Variants in NUDCD3 observed in about 807,000 individuals in gnomAD.
NUDCD3 encodes NudC domain containing 3.
NUDCD3 carries 13 observed loss-of-function variants against 39.7 expected under a neutral mutation model. The observed-to-expected ratio is 0.33, with a 90% confidence interval of 0.21 to 0.52. The LOEUF (loss-of-function observed/expected upper bound fraction) is 0.52, where lower values mean the gene tolerates loss of function less well. Among genes scored for constraint, NUDCD3 ranks in the 20% least tolerant of loss-of-function variants. The probability of loss-of-function intolerance (pLI) is 0.96; values close to 1 mark genes in which losing one functional copy is unlikely to be tolerated. For missense variants in NUDCD3, 453 were observed against 458.1 expected, an observed-to-expected ratio of 0.99 and a Z score of 0.10; for synonymous variants, 175 against 172.4, an observed-to-expected ratio of 1.02 and a Z score of -0.12.
chr7:44,442,575 C>T (rs1205508518), intron 2 of NUDCD3, among the ~76,000 whole-genome samples: 2 of 152,158 alleles, frequency 1.3e-5, no homozygotes, highest in Non-Finnish European at 1.5e-5. Context: ...GGAGGCTCAC[C>T]TCGCCTCATT....
chr7:44,486,109 A>G (rs1319832379), intron 1 of NUDCD3, among the ~76,000 whole-genome samples: 1 of 152,228 alleles, frequency 6.6e-6, no homozygotes. Flanking sequence ...CATCTTCCAC[A>G]GGGAACCACT....
intron 2 of NUDCD3, among the ~76,000 whole-genome samples, chr7:44,435,671 C>G (rs1023599128): frequency 1.4e-4 from 21 of 152,210 alleles, no homozygotes; most frequent in African/African-American, 5.1e-4. Flanking sequence ...CTTGCACCAT[C>G]TTCTGTAATG....
Position 44,445,637 on chromosome 7 carries a change from G to A in NUDCD3, c.510-17934C>T, listed in dbSNP as rs1166345056. 5.3e-5 allele frequency among the ~76,000 whole-genome samples: 8 copies of A among 152,300 alleles called. No individual in the cohort carries two copies. In the South Asian group the frequency reaches 8.3e-4, roughly 16 times the overall value. ...GGAGGGGAGGAGGGGTGGGTTGTGT[G>A]TGTGCACACAGGTGTGCACAGTGGA... On this transcript the variant is annotated intron_variant, in intron 2 of 5. Coordinates refer to ENST00000355451, the MANE Select transcript of NUDCD3 (RefSeq NM_015332.4).
chr7:44,451,119 G>A (rs1358496389), intron 2 of NUDCD3, among the ~76,000 whole-genome samples: 1 of 152,202 alleles, frequency 6.6e-6, no homozygotes, highest in Non-Finnish European at 1.5e-5. Flanking sequence ...TAAACAAAAT[G>A]TAGTATATCC....
intron 4 of NUDCD3, among the ~76,000 whole-genome samples, chr7:44,394,042 G>C (rs1208785552): frequency 2.6e-5 from 4 of 152,218 alleles, no homozygotes; most frequent in Non-Finnish European, 4.4e-5. Flanking sequence ...ACTCTGCAGA[G>C]CCCAGGGATC....
intron 4 of NUDCD3, among the ~76,000 whole-genome samples, chr7:44,401,090 A>C (rs1337581839): frequency 1.3e-5 from 2 of 152,190 alleles, no homozygotes; most frequent in Non-Finnish European, 2.9e-5. Context: ...AAGTACAGCA[A>C]GGCTAAAGAG....
intron 2 of NUDCD3, among the ~76,000 whole-genome samples, chr7:44,433,824 C>T (rs1332146382): frequency 6.6e-6 from 1 of 152,128 alleles, no homozygotes; most frequent in Admixed American, 6.5e-5. Flanking sequence ...CTCCCCACGG[C>T]CCAGGAGACA....
intron 2 of NUDCD3, among the ~76,000 whole-genome samples, chr7:44,440,496 G>GAAAAAAAAAAAAAAAAAAAAAAAAAA (rs72065068): frequency 1.0e-4 from 5 of 48,380 alleles, no homozygotes; most frequent in Non-Finnish European, 1.6e-4. Context: ...CAGAAAAATT[G>GAAAAAAAAAAAAAAAAAAAAAAAAAA]AAAAAAAAAA....
At chr7:44,412,743 C>T (rs1585062157) in intron 3 of NUDCD3, among the ~76,000 whole-genome samples, 1 of 151,870 alleles carries the variant, frequency 6.6e-6, no homozygotes, top group Admixed American at 6.6e-5. Context: ...CTGGCTAACA[C>T]GGTGAAGCCC....
chr7:44,429,203 T>C (rs539648201), intron 2 of NUDCD3, among the ~76,000 whole-genome samples: 1 of 152,308 alleles, frequency 6.6e-6, no homozygotes, highest in African/African-American at 2.4e-5. Flanking sequence ...TGTTAAGAAC[T>C]GAATTGGGTC....
chr7:44,423,595 G>A (rs956492347), intron 3 of NUDCD3, among the ~76,000 whole-genome samples: 2 of 152,012 alleles, frequency 1.3e-5, no homozygotes, highest in African/African-American at 4.8e-5. Context: ...GGGACATGAA[G>A]GACCTCTTCA....
intron 3 of NUDCD3, among the ~76,000 whole-genome samples, chr7:44,423,880 C>T (rs1413891617): frequency 6.6e-6 from 1 of 152,150 alleles, no homozygotes; most frequent in Non-Finnish European, 1.5e-5. Context: ...ATCATGCTAC[C>T]TGACTTCAAA....
At chr7:44,392,245 C>A in intron 5 of NUDCD3, 52 bp downstream of exon 5, 1 of 1,548,864 alleles carries the variant, frequency 6.5e-7, no homozygotes, top group South Asian at 1.2e-5. Context: ...TCGGCCTTGT[C>A]ACCAGCACAA....
intron 2 of NUDCD3, among the ~76,000 whole-genome samples, chr7:44,444,053 G>A (rs1039983014): frequency 7.2e-5 from 11 of 152,138 alleles, no homozygotes; most frequent in African/African-American, 1.9e-4. Flanking sequence ...TTCAAAAGAC[G>A]CTATCATGTG....
chr7:44,426,334 C>T lies in NUDCD3; in HGVS notation c.642+1237G>A, dbSNP rs148547151. 2.4e-4 allele frequency: 42 copies of T among 176,138 alleles called. No individual in the cohort carries two copies. In the East Asian group the frequency reaches 5.3e-3, roughly 22 times the overall value. 10.9% of individuals were successfully genotyped at this position (176,138 alleles called of 1,614,324 possible). A position where few individuals can be genotyped will look rare whatever the true frequency, so the allele number is the denominator to read the frequency against. On this transcript the variant is annotated intron_variant, in intron 3 of 5. Coordinates refer to ENST00000355451, the MANE Select transcript of NUDCD3 (RefSeq NM_015332.4). ...GCACAAACTACAGACCTACCCATCA[C>T]GCCGCTAAGCAGTAACAGAGGCACA...
chr7:44,390,690 C>T lies in NUDCD3; in HGVS notation c.975+1607G>A, dbSNP rs1174352182. The stretch of plus-strand genomic sequence containing the variant: ...ATACATCTCAGTCCTTTTGTGGACC[C>T]AATGCTGAATATGGGCACAGAGTGG... On this transcript the variant is annotated intron_variant, in intron 5 of 5. Transcript: ENST00000355451. 2.6e-5 allele frequency among the ~76,000 whole-genome samples: 4 copies of T among 152,294 alleles called. No individual in the cohort carries two copies. The East Asian group carries it at 7.7e-4, about 29-fold the overall frequency.
intron 2 of NUDCD3, among the ~76,000 whole-genome samples, chr7:44,482,909 G>A (rs571025743): frequency 2.0e-5 from 3 of 152,070 alleles, no homozygotes; most frequent in Non-Finnish European, 4.4e-5. Flanking sequence ...AACAATCAAG[G>A]GGAACCTGCA....
At chr7:44,411,154 T>C (rs181927077) in intron 3 of NUDCD3, among the ~76,000 whole-genome samples, 82 of 152,170 alleles carry the variant, frequency 5.4e-4, no homozygotes, top group Non-Finnish European at 6.9e-4. Flanking sequence ...TCATAGCATA[T>C]AATAAATTTT....
Position 44,453,235 on chromosome 7 carries a change from C to T in NUDCD3, c.510-25532G>A, listed in dbSNP as rs1799828290. 2.0e-5 allele frequency among the ~76,000 whole-genome samples: 3 copies of T among 152,192 alleles called. No individual in the cohort carries two copies. The South Asian group carries it at 6.2e-4, about 32-fold the overall frequency. On this transcript the variant is annotated intron_variant, in intron 2 of 5. Coordinates refer to ENST00000355451, the MANE Select transcript of NUDCD3 (RefSeq NM_015332.4). The stretch of plus-strand genomic sequence containing the variant: ...GGGCATGGTGGCGTGCGCCTGTAAT[C>T]CCGGCTACTCAGGAGGCTGAGGCAG...
Sources: allele counts gnomAD v4.1 joint callset (sites outside exome capture counted in the v4.1 genomes callset), GRCh38; gene constraint gnomAD v4.1.1; transcripts MANE v1.5; gene names NCBI Gene and HGNC (gene_info 2026-07-23, HGNC 2026-07-21).